Variants in FILIP1 observed in about 807,000 individuals in gnomAD.
FILIP1 encodes filamin-A-interacting protein 1.
In FILIP1, 61 loss-of-function variants were observed where a neutral mutation model predicts 102.1. The ratio of observed to expected loss-of-function variants is 0.60; its 90% CI spans 0.49 to 0.74. FILIP1 has a LOEUF of 0.74. FILIP1 is among the 30% of genes least tolerant of loss of function. FILIP1 has a pLI of 0.00. For synonymous variants in FILIP1, 491 were observed against 526.9 expected, an observed-to-expected ratio of 0.93 and a Z score of 0.93; for missense variants, 1,314 against 1,441.2, an observed-to-expected ratio of 0.91 and a Z score of 1.43.
At chr6:75,473,974 T>C (rs773011675) in intron 1 of FILIP1, 1 of 152,224 alleles carries the variant, frequency 6.6e-6, no homozygotes, top group Non-Finnish European at 1.5e-5. Context: ...AAATTTTGAG[T>C]TTAAATAGAG....
At chr6:75,429,000 C>T (rs1777727083) in intron 1 of FILIP1, among the ~76,000 whole-genome samples, 3 of 152,058 alleles carry the variant, frequency 2.0e-5, no homozygotes, top group African/African-American at 7.2e-5. Context: ...TACCACAATC[C>T]TTATTACTCA....
intron 1 of FILIP1, among the ~76,000 whole-genome samples, chr6:75,489,829 A>C (rs1388857506): frequency 1.3e-5 from 2 of 152,108 alleles, no homozygotes; most frequent in Non-Finnish European, 2.9e-5. Flanking sequence ...TATATTAAAA[A>C]AATGTAAAAA....
At chr6:75,416,245 T>G (rs551465594) in intron 1 of FILIP1, among the ~76,000 whole-genome samples, 3 of 152,166 alleles carry the variant, frequency 2.0e-5, no homozygotes, top group East Asian at 3.8e-4. Context: ...TCCTTTCAGA[T>G]AGTGAATATC....
Position 75,353,624 on chromosome 6 carries a change from C to A in FILIP1, c.544G>T (p.Glu182Ter). Residue 182 changes from glutamate to a stop codon, truncating the protein, a stop_gained, in exon 4 of 6, where the codon GAG (glutamate) becomes TAG (stop). Coordinates refer to ENST00000237172, the MANE Select transcript of FILIP1 (RefSeq NM_015687.5). LOFTEE classifies it high-confidence loss of function. ...TGTTTATGCTTCTCGTTCTCTAACT[C>A]GTATACGGTGCGCCTATGACACTTC... ...AEKCHRRTVY[E>*]LENEKHKHTD... The A allele has an allele frequency of 6.2e-7, 1 of 1,614,184 alleles. No individual in the cohort carries two copies.
chr6:75,375,812 C>T (rs1487322009), intron 2 of FILIP1, among the ~76,000 whole-genome samples: 1 of 152,184 alleles, frequency 6.6e-6, no homozygotes, highest in Admixed American at 6.5e-5. Context: ...ATTTTAGCCT[C>T]TGACATAAGT....
At chr6:75,489,459 A>T (rs1779893546) in intron 1 of FILIP1, among the ~76,000 whole-genome samples, 2 of 152,138 alleles carry the variant, frequency 1.3e-5, no homozygotes, top group African/African-American at 4.8e-5. Flanking sequence ...TGTATGCAAC[A>T]AAGATTAAAG....
chr6:75,308,922 A>G, intron 5 of FILIP1, 25 bp from the exon 6 acceptor site: 1 of 1,610,832 alleles, frequency 6.2e-7, no homozygotes, highest in East Asian at 2.2e-5. Flanking sequence ...ATACGTAGAT[A>G]CAAGGGAGAT....
At chr6:75,372,397 C>A (rs1775553210) in intron 2 of FILIP1, among the ~76,000 whole-genome samples, 1 of 147,446 alleles carries the variant, frequency 6.8e-6, no homozygotes, top group Admixed American at 6.8e-5. Flanking sequence ...GAATTAATAT[C>A]CATATCTAGA....
At chr6:75,410,923 T>G (rs541106246) in intron 2 of FILIP1, among the ~76,000 whole-genome samples, 158 of 152,346 alleles carry the variant, frequency 1.0e-3, no homozygotes, top group African/African-American at 3.6e-3. Flanking sequence ...TATGATCCTT[T>G]GGGTATATAC....
chr6:75,315,040 T>C lies in FILIP1; in HGVS notation c.792A>G (p.Gln264=). ...RQMHIEQLGL[Q]SQKVQDLTQK... The stretch of plus-strand genomic sequence containing the variant: ...GAGTAAGATCCTGTACTTTCTGGCT[T>C]TGCAGGCCAAGTTGTTCAATGTGCA... The change falls in exon 5 of 6, where the codon CAA becomes CAG. Residue 264 remains glutamine, a synonymous_variant. Coordinates refer to ENST00000237172, the MANE Select transcript of FILIP1 (RefSeq NM_015687.5). The C allele has an allele frequency of 6.2e-7, 1 of 1,614,148 alleles. No individual in the cohort carries two copies. Among genetic ancestry groups the C allele is most frequent in the East Asian group, 2.2e-5 (1 of 44,880 alleles).
chr6:75,325,489 C>A (rs9352205), intron 4 of FILIP1, among the ~76,000 whole-genome samples: 112,668 of 152,118 alleles, frequency 0.74, 42,370 homozygotes, highest in African/African-American at 0.88. Flanking sequence ...TTTGCAAACT[C>A]TGCATCTGAC....
At chr6:75,489,410 A>G (rs1403431942) in intron 1 of FILIP1, among the ~76,000 whole-genome samples, 1 of 152,144 alleles carries the variant, frequency 6.6e-6, no homozygotes. Flanking sequence ...CCTATAATCT[A>G]TGAAGTTGAG....
At chr6:75,375,154 C>T (rs911071241) in intron 2 of FILIP1, among the ~76,000 whole-genome samples, 1 of 152,246 alleles carries the variant, frequency 6.6e-6, no homozygotes, top group Non-Finnish European at 1.5e-5. Flanking sequence ...CCACCCCCAT[C>T]GGCCCTTGCC....
At chr6:75,448,270 TCTC>T (rs1477914216) in intron 1 of FILIP1, among the ~76,000 whole-genome samples, 1 of 152,162 alleles carries the variant, frequency 6.6e-6, no homozygotes, top group Admixed American at 6.6e-5. Context: ...TCAGAAGCCT[TCTC>T]AATACATCAC....
At chr6:75,471,500 T>C (rs1779328610) in intron 1 of FILIP1, among the ~76,000 whole-genome samples, 1 of 152,152 alleles carries the variant, frequency 6.6e-6, no homozygotes, top group Non-Finnish European at 1.5e-5. Context: ...TGAAGGGAAT[T>C]TAAATATAAG....
intron 1 of FILIP1, among the ~76,000 whole-genome samples, chr6:75,416,320 C>A (rs1777268186): frequency 6.6e-6 from 1 of 151,962 alleles, no homozygotes; most frequent in Admixed American, 6.6e-5. Flanking sequence ...AACTCGTAAG[C>A]AAATGGACGC....
intron 1 of FILIP1, among the ~76,000 whole-genome samples, chr6:75,439,275 A>T (rs1778124726): frequency 6.6e-6 from 1 of 152,198 alleles, no homozygotes; most frequent in Non-Finnish European, 1.5e-5. Context: ...CTGAGGCAGG[A>T]GAATCACTTG....
chr6:75,382,950 A>C (rs572943924), intron 2 of FILIP1, among the ~76,000 whole-genome samples: 2 of 152,354 alleles, frequency 1.3e-5, no homozygotes, highest in East Asian at 3.9e-4. Context: ...AGGAGATAAG[A>C]AATTACCTGA....
intron 6 of FILIP1, chr6:75,295,974 C>A: frequency 1.4e-6 from 2 of 1,409,360 alleles, no homozygotes; most frequent in Non-Finnish European, 1.8e-6. Context: ...AAAGACATGG[C>A]ATTTTCAATT....
Sources: gnomAD v4.1 joint callset for allele counts (sites outside exome capture counted in the v4.1 genomes callset) on GRCh38, gnomAD v4.1.1 for gene constraint, MANE v1.5 for transcripts, NCBI Gene and HGNC (gene_info 2026-07-23, HGNC 2026-07-21) for gene names.